COL14A1: variants seen among roughly 807,000 people sequenced by gnomAD.
The protein encoded by COL14A1 is collagen alpha-1(XIV) chain.
In COL14A1, 136 loss-of-function variants were observed where a neutral mutation model predicts 230.3. That is an observed-to-expected ratio of 0.59 (90% CI 0.51 to 0.68). COL14A1 has a LOEUF of 0.68. Among genes scored for constraint, COL14A1 ranks in the 30% least tolerant of loss-of-function variants. The probability of loss-of-function intolerance (pLI) is 0.00; values close to 1 mark genes in which losing one functional copy is unlikely to be tolerated. For missense variants in COL14A1, 1,976 were observed against 2,215.8 expected, an observed-to-expected ratio of 0.89 and a Z score of 2.17; for synonymous variants, 792 against 784.1, an observed-to-expected ratio of 1.01 and a Z score of -0.17.
At chr8:120,180,195 G>T (rs1816417339) in intron 5 of COL14A1, among the ~76,000 whole-genome samples, 1 of 152,130 alleles carries the variant, frequency 6.6e-6, no homozygotes. Context: ...TCTCCACTGG[G>T]AATACTACTA....
intron 20 of COL14A1, among the ~76,000 whole-genome samples, chr8:120,244,682 A>G (rs970242767): frequency 3.0e-4 from 45 of 152,090 alleles, no homozygotes; most frequent in African/African-American, 8.7e-4. Context: ...TAAGTCTCCA[A>G]TCTCATCCAG....
intron 19 of COL14A1, among the ~76,000 whole-genome samples, chr8:120,239,651 G>T (rs1374125819): frequency 6.6e-6 from 1 of 152,000 alleles, no homozygotes; most frequent in East Asian, 1.9e-4. Flanking sequence ...ACTTCAAATG[G>T]TTCATGATTG....
intron 5 of COL14A1, among the ~76,000 whole-genome samples, chr8:120,179,658 T>C (rs1435614792): frequency 2.0e-5 from 3 of 152,054 alleles, no homozygotes; most frequent in African/African-American, 7.2e-5. Flanking sequence ...AAGCTACCAT[T>C]AGAATTAGAA....
At chr8:120,324,719 G>A (rs971981640) in intron 40 of COL14A1, among the ~76,000 whole-genome samples, 11 of 152,108 alleles carry the variant, frequency 7.2e-5, no homozygotes, top group African/African-American at 2.7e-4. Flanking sequence ...CAATTGGCCG[G>A]AATCTTAAGG....
chr8:120,233,286 T>A (rs1410594110), intron 19 of COL14A1, among the ~76,000 whole-genome samples: 2 of 152,240 alleles, frequency 1.3e-5, no homozygotes, highest in Non-Finnish European at 2.9e-5. Context: ...ATCCCATTTG[T>A]CTATTTTGGC....
intron 45 of COL14A1, among the ~76,000 whole-genome samples, chr8:120,358,869 C>T (rs1213977242): frequency 3.3e-5 from 5 of 151,924 alleles, no homozygotes; most frequent in African/African-American, 1.2e-4. Context: ...AGTTAATTAT[C>T]AAAATATATT....
intron 24 of COL14A1, among the ~76,000 whole-genome samples, chr8:120,265,257 TGA>T (rs1014476884): frequency 3.3e-5 from 5 of 152,136 alleles, no homozygotes; most frequent in African/African-American, 1.2e-4. Flanking sequence ...CTTGATTTAT[TGA>T]CCAGACTTAG....
At chr8:120,269,326 G>A (rs1819589175) in intron 25 of COL14A1, among the ~76,000 whole-genome samples, 1 of 151,760 alleles carries the variant, frequency 6.6e-6, no homozygotes, top group Admixed American at 6.6e-5. Context: ...AGTAGAGTAG[G>A]TTTTTATTGG....
chr8:120,327,944 A>C (rs1394900481), intron 40 of COL14A1, among the ~76,000 whole-genome samples: 2 of 151,518 alleles, frequency 1.3e-5, no homozygotes, highest in Non-Finnish European at 2.9e-5. Context: ...TTTGTATTTT[A>C]GTAGAGACAG....
At chr8:120,339,547 C>T (rs969727454) in intron 42 of COL14A1, among the ~76,000 whole-genome samples, 3 of 152,104 alleles carry the variant, frequency 2.0e-5, no homozygotes, top group African/African-American at 7.2e-5. Flanking sequence ...ATAAGGGAAT[C>T]CCAGAGATCA....
At chr8:120,252,193 T>G (rs1276815555) in intron 22 of COL14A1, among the ~76,000 whole-genome samples, 1 of 152,200 alleles carries the variant, frequency 6.6e-6, no homozygotes, top group Non-Finnish European at 1.5e-5. Flanking sequence ...ATTTTATTTA[T>G]TTTAAAAACT....
chr8:120,148,938 G>A (rs772525195), intron 2 of COL14A1, among the ~76,000 whole-genome samples: 12 of 152,274 alleles, frequency 7.9e-5, no homozygotes, highest in Non-Finnish European at 1.3e-4. Flanking sequence ...TTTTAGTGGC[G>A]CACGTCATGC....
Position 120,223,766 on chromosome 8 carries a change from C to G in COL14A1, c.1738-1322C>G, listed in dbSNP as rs188957793. Among the ~76,000 whole-genome samples the G allele has an allele frequency of 1.3e-3, 202 of 152,222 alleles. 3 individuals are homozygous for G. Among genetic ancestry groups the G allele is most frequent in the African/African-American group, 4.7e-3 (194 of 41,542 alleles). On this transcript the variant is annotated intron_variant, in intron 14 of 47. Coordinates refer to ENST00000297848, the MANE Select transcript of COL14A1 (RefSeq NM_021110.4). ...GCTTATTTTTGGCAGAGGTTGCTCT[C>G]AGGTAAATATGGTCATTTCTTAAAT...
intron 23 of COL14A1, among the ~76,000 whole-genome samples, chr8:120,260,354 A>T (rs868835347): frequency 6.6e-6 from 1 of 152,118 alleles, no homozygotes; most frequent in Non-Finnish European, 1.5e-5. Flanking sequence ...ACTAGGTTTG[A>T]TGCTTATAAA....
rs796270041 is a variant in COL14A1 at position 120,144,570 on chromosome 8, A to G, written c.-37-3236A>G. 7.6e-4 allele frequency among the ~76,000 whole-genome samples: 116 copies of G among 152,306 alleles called. 1 individual carries two copies. The highest frequency in any genetic ancestry group is 2.7e-3 in the African/African-American group (113 of 41,580). On this transcript the variant is annotated intron_variant, in intron 1 of 47. Transcript: ENST00000297848. ...GTTTGACATAACATATCTGAACTCA[A>G]CTACCGTTAATATTCTTAATGGTAA...
intron 28 of COL14A1, among the ~76,000 whole-genome samples, chr8:120,279,054 A>G (rs1156712012): frequency 6.6e-6 from 1 of 151,974 alleles, no homozygotes; most frequent in Non-Finnish European, 1.5e-5. Context: ...ACAGGAACAG[A>G]AAACTAAACA....
intron 26 of COL14A1, among the ~76,000 whole-genome samples, chr8:120,273,180 C>A (rs1206471054): frequency 6.6e-6 from 1 of 151,774 alleles, no homozygotes; most frequent in Non-Finnish European, 1.5e-5. Flanking sequence ...AAACCATTTG[C>A]TCCTGAATGA....
chr8:120,184,535 C>T (rs1004654125), intron 5 of COL14A1, among the ~76,000 whole-genome samples: 26 of 152,138 alleles, frequency 1.7e-4, no homozygotes, highest in South Asian at 6.2e-4. Context: ...GATTACAAAC[C>T]ACTGTGCCTG....
At chr8:120,257,870 AT>A (rs927333768) in intron 23 of COL14A1, among the ~76,000 whole-genome samples, 8 of 151,950 alleles carry the variant, frequency 5.3e-5, no homozygotes, top group African/African-American at 1.7e-4. Context: ...TTTCCCATAT[AT>A]TTTTTCATAG....
Sources: gnomAD v4.1 joint callset for allele counts (sites outside exome capture counted in the v4.1 genomes callset) on GRCh38, gnomAD v4.1.1 for gene constraint, MANE v1.5 for transcripts, NCBI Gene and HGNC (gene_info 2026-07-23, HGNC 2026-07-21) for gene names.